MARCHF1: variants seen among roughly 807,000 people sequenced by gnomAD.
MARCHF1 encodes E3 ubiquitin-protein ligase MARCHF1.
MARCHF1 carries 40 observed loss-of-function variants against 54.2 expected under a neutral mutation model. The observed-to-expected ratio is 0.74, with a 90% CI of 0.57 to 0.96. The LOEUF (loss-of-function observed/expected upper bound fraction) is 0.96. Among genes scored for constraint, MARCHF1 ranks in the 40% least tolerant of loss-of-function variants. The pLI, the probability that MARCHF1 is intolerant of heterozygous loss-of-function variation, is 0.00. For missense variants in MARCHF1, 586 were observed against 656.5 expected (o/e 0.89, Z 1.17); for synonymous variants, 236 against 236.3 (o/e 1.00, Z 0.01).
chr4:164,000,846 G>C (rs956446404), intron 2 of MARCHF1, among the ~76,000 whole-genome samples: 1 of 151,440 alleles, frequency 6.6e-6, no homozygotes, highest in Non-Finnish European at 1.5e-5. Context: ...ATATGGAATA[G>C]AAACAATAGA....
chr4:163,839,672 A>G (rs1425887123), intron 4 of MARCHF1, among the ~76,000 whole-genome samples: 2 of 152,122 alleles, frequency 1.3e-5, no homozygotes, highest in African/African-American at 4.8e-5. Flanking sequence ...GACAAAGTGG[A>G]TCATAGTTGC....
chr4:163,929,964 A>ATTATATATTTATATTATATATATTAT (rs61032880), intron 3 of MARCHF1, among the ~76,000 whole-genome samples: 1 of 111,324 alleles, frequency 9.0e-6, no homozygotes, highest in African/African-American at 4.5e-5. Context: ...ATTATATATA[A>ATTATATATTTATATTATATATATTAT]TATATATAAT....
intron 1 of MARCHF1, among the ~76,000 whole-genome samples, chr4:164,152,247 A>G (rs1163544182): frequency 6.6e-6 from 1 of 152,192 alleles, no homozygotes; most frequent in Non-Finnish European, 1.5e-5. Context: ...AGAGGAGATT[A>G]CTTTAGCTAA....
At chr4:163,574,108 C>T (rs1264840775) in intron 8 of MARCHF1, among the ~76,000 whole-genome samples, 3 of 152,054 alleles carry the variant, frequency 2.0e-5, no homozygotes, top group African/African-American at 7.2e-5. Flanking sequence ...GCATAAATGT[C>T]TTCTTTTGAG....
chr4:164,215,296 C>A (rs1244703538), intron 1 of MARCHF1, among the ~76,000 whole-genome samples: 1 of 152,132 alleles, frequency 6.6e-6, no homozygotes, highest in African/African-American at 2.4e-5. Context: ...AGCCTGCCAG[C>A]GTTCTGGCGT....
chr4:164,266,306 TCTTGTCCAAATTGTTACTAA>T, intron 1 of MARCHF1, among the ~76,000 whole-genome samples: 1 of 152,218 alleles, frequency 6.6e-6, no homozygotes, highest in African/African-American at 2.4e-5. Context: ...GCATTTGCTC[TCTTGTCCAAATTGTTACTAA>T]GAATCAAGAG....
At chr4:164,057,713 T>C (rs1401005369) in intron 2 of MARCHF1, among the ~76,000 whole-genome samples, 5 of 152,302 alleles carry the variant, frequency 3.3e-5, no homozygotes, top group East Asian at 1.9e-4. Context: ...CTAATGAAGA[T>C]ACCATACTTC....
rs572347023 is a variant in MARCHF1 at position 164,299,226 on chromosome 4, C to T, written c.-323+84644G>A. On this transcript the variant is annotated intron_variant, in intron 1 of 9. Coordinates refer to ENST00000514618, the MANE Select transcript of MARCHF1 (RefSeq NM_001394959.1). ...ATGTTCCTTCCATTAGAGCTTTCTT[C>T]TCTCCATTAAAATGGCCTCCTAGAC... 2.0e-5 allele frequency among the ~76,000 whole-genome samples: 3 copies of T among 152,266 alleles called. No homozygotes were observed. In the East Asian group the frequency reaches 5.8e-4, roughly 29 times the overall value.
chr4:163,754,822 A>G (rs957930456), intron 4 of MARCHF1, among the ~76,000 whole-genome samples: 3 of 152,176 alleles, frequency 2.0e-5, no homozygotes, highest in African/African-American at 7.2e-5. Context: ...TAACAGAAGG[A>G]CAGACAAAGT....
chr4:164,131,829 C>T (rs1756306868), intron 1 of MARCHF1, among the ~76,000 whole-genome samples: 1 of 152,058 alleles, frequency 6.6e-6, no homozygotes, highest in Non-Finnish European at 1.5e-5. Context: ...AATGTAATTT[C>T]TTACATGAAG....
intron 4 of MARCHF1, among the ~76,000 whole-genome samples, chr4:163,760,490 G>A (rs113291165): frequency 0.043 from 6,599 of 152,250 alleles, 199 homozygotes; most frequent in Non-Finnish European, 0.069. Context: ...AGTAGAGAGT[G>A]ATGCCTTTGC....
At chr4:164,360,229 A>T (rs2110922121) in intron 1 of MARCHF1, among the ~76,000 whole-genome samples, 1 of 152,228 alleles carries the variant, frequency 6.6e-6, no homozygotes, top group South Asian at 2.1e-4. Flanking sequence ...AAAAAGAAAA[A>T]AAAATCCAGA....
rs1712541800 is a variant in MARCHF1, at chr4:164,039,965, A to C, written c.-247-51256T>G. ...GGATAAAATAAATTTCACCTCATGA[A>C]ATTATATATATATATATATAAACTA... is the stretch of plus-strand genomic sequence containing the variant. On this transcript the variant is annotated intron_variant, in intron 2 of 9. Coordinates refer to ENST00000514618, the MANE Select transcript of MARCHF1 (RefSeq NM_001394959.1). Among the ~76,000 whole-genome samples the C allele has an allele frequency of 8.1e-5, 12 of 147,246 alleles. No homozygotes were observed. In the South Asian group the frequency reaches 2.5e-3, roughly 31 times the overall value.
At chr4:163,648,725 G>A (rs550441458) in intron 5 of MARCHF1, among the ~76,000 whole-genome samples, 50 of 149,772 alleles carry the variant, frequency 3.3e-4, no homozygotes, top group Non-Finnish European at 6.2e-4. Flanking sequence ...TAAAATAACA[G>A]CGTATATATA....
intron 1 of MARCHF1, among the ~76,000 whole-genome samples, chr4:164,378,104 G>T (rs1731248876): frequency 6.6e-6 from 1 of 152,228 alleles, no homozygotes; most frequent in Non-Finnish European, 1.5e-5. Context: ...GAAGCTTCAA[G>T]ATTACAGATG....
intron 1 of MARCHF1, among the ~76,000 whole-genome samples, chr4:164,166,838 A>G (rs1433656433): frequency 6.6e-6 from 1 of 151,854 alleles, no homozygotes; most frequent in Non-Finnish European, 1.5e-5. Flanking sequence ...TAGTATTTCT[A>G]TACACAAATA....
chr4:164,320,754 CT>C (rs1735119274), intron 1 of MARCHF1, among the ~76,000 whole-genome samples: 2 of 151,242 alleles, frequency 1.3e-5, no homozygotes, highest in Non-Finnish European at 2.9e-5. Flanking sequence ...CAAAAGCTTC[CT>C]TTAAGTATGG....
chr4:163,768,441 A>G (rs937837061), intron 4 of MARCHF1, among the ~76,000 whole-genome samples: 2 of 152,224 alleles, frequency 1.3e-5, no homozygotes, highest in South Asian at 2.1e-4. Context: ...AATAGAATTT[A>G]AATTAGTTAG....
At chr4:163,841,990 A>C (rs1182909339) in intron 4 of MARCHF1, among the ~76,000 whole-genome samples, 1 of 152,248 alleles carries the variant, frequency 6.6e-6, no homozygotes, top group East Asian at 1.9e-4. Context: ...TACTATGGTG[A>C]TATAAAAATA....
Sources: allele counts gnomAD v4.1 joint callset (sites outside exome capture counted in the v4.1 genomes callset), GRCh38; gene constraint gnomAD v4.1.1; transcripts MANE v1.5; gene names NCBI Gene and HGNC (gene_info 2026-07-23, HGNC 2026-07-21).